CSMD1: variants seen among roughly 807,000 people sequenced by gnomAD.
The protein encoded by CSMD1 is CUB and Sushi multiple domains 1, also known as CUB and sushi domain-containing protein 1.
A neutral mutation model predicts 417.5 loss-of-function variants in CSMD1; 213 were observed. The ratio of observed to expected loss-of-function variants is 0.51; its 90% CI spans 0.46 to 0.57. The LOEUF (loss-of-function observed/expected upper bound fraction) is 0.57, where lower values mean the gene tolerates loss of function less well. CSMD1 is among the 20% of genes least tolerant of loss of function. The pLI is 0.00. For missense variants in CSMD1, 6,923 were observed against 4,529.7 expected, an observed-to-expected ratio of 1.53 and a Z score of -15.17; for synonymous variants, 2,862 against 1,736.8, an observed-to-expected ratio of 1.65 and a Z score of -16.11.
chr8:3,986,734 G>C (rs890182062), intron 5 of CSMD1, among the ~76,000 whole-genome samples: 15 of 151,660 alleles, frequency 9.9e-5, no homozygotes, highest in East Asian at 5.9e-4. Context: ...TTTGCTCAAA[G>C]GCCTGCTTTT....
chr8:4,857,180 G>A (rs1221434825), intron 1 of CSMD1, among the ~76,000 whole-genome samples: 7 of 150,430 alleles, frequency 4.7e-5, no homozygotes, highest in South Asian at 2.1e-4. Context: ...GGTACATAAC[G>A]AAATGAAGGC....
intron 8 of CSMD1, among the ~76,000 whole-genome samples, chr8:3,610,755 C>T (rs1036773813): frequency 7.9e-5 from 12 of 152,004 alleles, no homozygotes; most frequent in African/African-American, 2.7e-4. Context: ...GAATTGCATA[C>T]TTAATGCATC....
chr8:3,319,559 C>G (rs1239663471), intron 23 of CSMD1, among the ~76,000 whole-genome samples: 1 of 152,116 alleles, frequency 6.6e-6, no homozygotes, highest in Non-Finnish European at 1.5e-5. Flanking sequence ...AAATATAATT[C>G]TATGCTTTCA....
intron 2 of CSMD1, among the ~76,000 whole-genome samples, chr8:4,486,625 A>G (rs73496615): frequency 0.072 from 10,941 of 152,106 alleles, 1,263 homozygotes; most frequent in African/African-American, 0.24. Flanking sequence ...AATACGACTC[A>G]GTGACCTAAA....
chr8:3,494,606 AGAT>A (rs1440572844), intron 10 of CSMD1, among the ~76,000 whole-genome samples: 1 of 138,674 alleles, frequency 7.2e-6, no homozygotes, highest in East Asian at 2.1e-4. Context: ...ATAGATAGAT[AGAT>A]GACAGATAGT....
intron 2 of CSMD1, among the ~76,000 whole-genome samples, chr8:4,471,744 G>T (rs541358220): frequency 2.0e-5 from 3 of 151,944 alleles, no homozygotes; most frequent in Non-Finnish European, 4.4e-5. Context: ...GAGAAAAGAA[G>T]TTAGACCCAT....
intron 9 of CSMD1, among the ~76,000 whole-genome samples, chr8:3,580,746 A>C (rs1296927211): frequency 1.3e-5 from 2 of 152,204 alleles, no homozygotes; most frequent in Non-Finnish European, 2.9e-5. Flanking sequence ...TACCTGATCA[A>C]ATACACAAAA....
intron 10 of CSMD1, among the ~76,000 whole-genome samples, chr8:3,542,675 T>C (rs79833224): frequency 0.03 from 4,608 of 152,294 alleles, 175 homozygotes; most frequent in African/African-American, 0.086. Flanking sequence ...TCTCCCCCTA[T>C]TCTTGCTCAA....
intron 1 of CSMD1, among the ~76,000 whole-genome samples, chr8:4,703,700 GA>G (rs1807732479): frequency 6.6e-6 from 1 of 152,026 alleles, no homozygotes. Context: ...CTGCGACCTT[GA>G]ATTAAAAGAT....
At chr8:3,831,218 A>G (rs1446470647) in intron 5 of CSMD1, among the ~76,000 whole-genome samples, 2 of 152,202 alleles carry the variant, frequency 1.3e-5, no homozygotes, top group African/African-American at 4.8e-5. Flanking sequence ...AGCATGTGGA[A>G]AGTTAAATAA....
At chr8:3,496,562 T>A in intron 10 of CSMD1, among the ~76,000 whole-genome samples, 1 of 152,208 alleles carries the variant, frequency 6.6e-6, no homozygotes, top group Non-Finnish European at 1.5e-5. Context: ...ATGTTGTATT[T>A]CTATTTTCAT....
chr8:4,936,720 G>A (rs913387824), intron 1 of CSMD1, among the ~76,000 whole-genome samples: 1 of 152,124 alleles, frequency 6.6e-6, no homozygotes, highest in Non-Finnish European at 1.5e-5. Context: ...AAACATCAAT[G>A]TTAATAGGCA....
Position 3,396,229 on chromosome 8 carries a change from C to G in CSMD1, c.2558G>C (p.Ser853Thr). 1.3e-6 allele frequency: 2 copies of G among 1,571,402 alleles called. No homozygotes were observed. The highest frequency in any genetic ancestry group is 1.7e-6 in the Non-Finnish European group (2 of 1,158,216). Residue 853 changes from serine (S) to threonine (T), a missense_variant, in exon 17 of 70, where the codon AGC becomes ACC. By Grantham distance (58) the Ser-to-Thr change is moderately conservative. Transcript: ENST00000635120. ...GATGAGGAAGCCGATGCTGGAGCGG[C>G]TGTTGTCAGTGGTGAACAGCAGGTA... ...FMYLLFTTDN[S>T]RSSIGFLIHY...
At chr8:3,666,139 A>G (rs1312400810) in intron 7 of CSMD1, among the ~76,000 whole-genome samples, 3 of 152,272 alleles carry the variant, frequency 2.0e-5, no homozygotes, top group Middle Eastern at 3.4e-3. Context: ...CAAGTGATCT[A>G]CATGCCCTGG....
chr8:3,969,629 A>G (rs1298574888), intron 5 of CSMD1, among the ~76,000 whole-genome samples: 1 of 152,240 alleles, frequency 6.6e-6, no homozygotes, highest in African/African-American at 2.4e-5. Flanking sequence ...TAAAGATTTA[A>G]GAAAATGCTA....
At chr8:4,849,692 G>A (rs748432538) in intron 1 of CSMD1, among the ~76,000 whole-genome samples, 3 of 152,116 alleles carry the variant, frequency 2.0e-5, no homozygotes, top group Admixed American at 1.3e-4. Context: ...GTAACATGCT[G>A]TACAGATTTG....
chr8:3,731,186 C>T lies in CSMD1; in HGVS notation c.932-22695G>A, dbSNP rs926964149. The stretch of plus-strand genomic sequence containing the variant: ...CACTTCCATCATTCCAAAGTAAAAC[C>T]TCTTACCCATTAAGCAGTTTCTCCA... On this transcript the variant is annotated intron_variant, in intron 6 of 69. Coordinates refer to ENST00000635120, the MANE Select transcript of CSMD1 (RefSeq NM_033225.6). Among the ~76,000 whole-genome samples the T allele has an allele frequency of 3.3e-5, 5 of 152,110 alleles. No individual in the cohort carries two copies. In the East Asian group the frequency reaches 9.6e-4, roughly 29 times the overall value.
intron 7 of CSMD1, among the ~76,000 whole-genome samples, chr8:3,638,723 C>G (rs1169621064): frequency 6.6e-6 from 1 of 152,096 alleles, no homozygotes; most frequent in African/African-American, 2.4e-5. Flanking sequence ...GGTCAGAATA[C>G]AGAATGTAGC....
chr8:3,775,260 T>C lies in CSMD1; in HGVS notation c.819-21218A>G, dbSNP rs150019743. On this transcript the variant is annotated intron_variant, in intron 5 of 69. Coordinates refer to ENST00000635120, the MANE Select transcript of CSMD1 (RefSeq NM_033225.6). ...TAGAAATGAATTGTATGTTAAACAT[T>C]GGAAGATTTAAAGACAGTGAAAAAT... Among the ~76,000 whole-genome samples, 3 of 152,254 alleles carry C rather than the reference T, an allele frequency of 2.0e-5. No homozygotes were observed. In the South Asian group the frequency reaches 6.2e-4, roughly 32 times the overall value.
Sources: gnomAD v4.1 joint callset for allele counts (sites outside exome capture counted in the v4.1 genomes callset) on GRCh38, gnomAD v4.1.1 for gene constraint, MANE v1.5 for transcripts, NCBI Gene and HGNC (gene_info 2026-07-23, HGNC 2026-07-21) for gene names.